PCSK5: variants seen among roughly 807,000 people sequenced by gnomAD.
PCSK5 encodes the protein proprotein convertase subtilisin/kexin type 5, also known as prohormone convertase 5.
In PCSK5, 129 loss-of-function variants were observed where a neutral mutation model predicts 233.2. That is an observed-to-expected ratio of 0.55 (90% CI 0.48 to 0.64). The LOEUF (loss-of-function observed/expected upper bound fraction) is 0.64, where lower values mean the gene tolerates loss of function less well. Among genes scored for constraint, PCSK5 ranks in the 30% least tolerant of loss-of-function variants. The pLI, the probability that PCSK5 is intolerant of heterozygous loss-of-function variation, is 0.00. For missense variants in PCSK5, 2,076 were observed against 2,430.1 expected (o/e 0.85, Z 3.06); for synonymous variants, 825 against 879.2 (o/e 0.94, Z 1.09).
At chr9:76,187,960 G>A (rs1824185577) in intron 17 of PCSK5, among the ~76,000 whole-genome samples, 1 of 152,158 alleles carries the variant, frequency 6.6e-6, no homozygotes, top group Non-Finnish European at 1.5e-5. Flanking sequence ...TCATTAGAGT[G>A]TTTAAAATGA....
intron 5 of PCSK5, among the ~76,000 whole-genome samples, chr9:76,036,295 TC>T (rs1828857371): frequency 6.6e-6 from 1 of 152,220 alleles, no homozygotes; most frequent in Non-Finnish European, 1.5e-5. Context: ...TTAACTATAA[TC>T]CTTAATAAAA....
intron 9 of PCSK5, among the ~76,000 whole-genome samples, chr9:76,108,912 C>T (rs949062758): frequency 6.6e-6 from 1 of 152,088 alleles, no homozygotes; most frequent in Admixed American, 6.5e-5. Flanking sequence ...GGACTGAAAC[C>T]GGGGGAAGGA....
At chr9:75,930,730 A>G (rs1823751051) in intron 1 of PCSK5, among the ~76,000 whole-genome samples, 1 of 152,168 alleles carries the variant, frequency 6.6e-6, no homozygotes, top group Non-Finnish European at 1.5e-5. Flanking sequence ...TTTCCACGAG[A>G]ACTACTGTAT....
intron 28 of PCSK5, among the ~76,000 whole-genome samples, chr9:76,307,127 T>C (rs889389890): frequency 6.7e-6 from 1 of 148,354 alleles, no homozygotes; most frequent in African/African-American, 2.5e-5. Flanking sequence ...AGGGCAGAAT[T>C]ATTTTCTCTC....
chr9:75,995,061 C>G (rs1384375383), intron 3 of PCSK5, among the ~76,000 whole-genome samples: 2 of 152,188 alleles, frequency 1.3e-5, no homozygotes, highest in Non-Finnish European at 2.9e-5. Flanking sequence ...AACATGTTCT[C>G]TCTCTGCCTG....
chr9:75,916,942 G>A (rs904574689), intron 1 of PCSK5, among the ~76,000 whole-genome samples: 3 of 152,040 alleles, frequency 2.0e-5, no homozygotes, highest in South Asian at 2.1e-4. Context: ...AGGCCAAGGC[G>A]GGTAGATCAC....
chr9:76,243,569 C>A (rs1256770738), intron 24 of PCSK5, among the ~76,000 whole-genome samples: 4 of 151,984 alleles, frequency 2.6e-5, no homozygotes, highest in South Asian at 2.1e-4. Context: ...ATTTCTGAAC[C>A]CTTTGTTGAT....
At chr9:76,064,832 T>C (rs1048105811) in intron 5 of PCSK5, among the ~76,000 whole-genome samples, 1 of 152,232 alleles carries the variant, frequency 6.6e-6, no homozygotes, top group South Asian at 2.1e-4. Context: ...GCAGAGACGC[T>C]CCTCACTTCC....
At chr9:75,938,748 A>G (rs1009801933) in intron 2 of PCSK5, among the ~76,000 whole-genome samples, 3 of 152,178 alleles carry the variant, frequency 2.0e-5, no homozygotes, top group Non-Finnish European at 2.9e-5. Context: ...TTTTACTCCC[A>G]GCTGACTTCA....
chr9:76,068,690 A>G (rs934354797), intron 6 of PCSK5, among the ~76,000 whole-genome samples: 2 of 152,010 alleles, frequency 1.3e-5, no homozygotes, highest in African/African-American at 4.8e-5. Context: ...CAAACTCTTA[A>G]CTTTCCCATT....
rs139137159 is a variant in PCSK5, at chr9:76,126,488, C to T, written c.1209-7621C>T. Among the ~76,000 whole-genome samples, 303 of 152,224 alleles carry T rather than the reference C, an allele frequency of 2.0e-3. 3 individuals carry two copies. The highest frequency in any genetic ancestry group is 7.0e-3 in the African/African-American group (290 of 41,526). ...ATTAGCTAGGCGTGATGGCACATGC[C>T]TATAATCCCAGCCACTCAGGAGGCT... On this transcript the variant is annotated intron_variant, in intron 9 of 37. Coordinates refer to ENST00000674117, the MANE Select transcript of PCSK5 (RefSeq NM_001372043.1).
At chr9:76,227,642 T>G in intron 21 of PCSK5, 37 bp downstream of exon 21, 2 of 1,347,394 alleles carry the variant, frequency 1.5e-6, no homozygotes, top group Non-Finnish European at 2.1e-6. Flanking sequence ...TGGTGTGAGC[T>G]CATGGATTGC....
chr9:76,348,305 G>A (rs1218962635), intron 35 of PCSK5, among the ~76,000 whole-genome samples: 1 of 152,198 alleles, frequency 6.6e-6, no homozygotes, highest in African/African-American at 2.4e-5. Flanking sequence ...CAGCTACTCA[G>A]GAGGCTGAGG....
intron 2 of PCSK5, among the ~76,000 whole-genome samples, chr9:75,963,488 G>A (rs1825443792): frequency 6.6e-6 from 1 of 152,204 alleles, no homozygotes; most frequent in Non-Finnish European, 1.5e-5. Context: ...TTTTCCTGTG[G>A]TTTTTAGCCA....
At position 76,184,606 on chromosome 9, in the gene PCSK5, A is replaced by C. The variant is rs1446974306; in HGVS notation, c.2198-67A>C. ...GTAGCATACATTAGCAAGCATTAGAACATCTCTGATGCTTTTATGGAATCC... is the reference window on the plus strand; with the variant it reads ...GTAGCATACATTAGCAAGCATTAGACCATCTCTGATGCTTTTATGGAATCC... On this transcript the variant is annotated intron_variant, in intron 16 of 37. Transcript: ENST00000674117. 4 of 1,003,834 alleles carry C rather than the reference A, an allele frequency of 4.0e-6. No homozygotes were observed. The African/African-American group carries it at 6.3e-5, about 16-fold the overall frequency. 62.2% of individuals were successfully genotyped at this position (1,003,834 alleles called of 1,614,324 possible).
At chr9:75,968,188 T>G (rs1204588422) in intron 2 of PCSK5, among the ~76,000 whole-genome samples, 1 of 151,356 alleles carries the variant, frequency 6.6e-6, no homozygotes, top group African/African-American at 2.4e-5. Context: ...TGGCACCTGA[T>G]TGTGCTGAGT....
chr9:76,031,949 C>T (rs957328195), intron 5 of PCSK5, among the ~76,000 whole-genome samples: 6 of 152,022 alleles, frequency 3.9e-5, no homozygotes, highest in African/African-American at 1.4e-4. Context: ...TGTCTGCGTC[C>T]TTGGGGGACT....
intron 18 of PCSK5, 64 bp downstream of exon 18, chr9:76,188,739 G>C (rs1417885271): frequency 2.2e-5 from 27 of 1,216,132 alleles, no homozygotes; most frequent in Non-Finnish European, 3.1e-5. Flanking sequence ...TCTGGTTTGG[G>C]CCATCACTCA....
At chr9:76,212,245 T>C (rs556549207) in intron 20 of PCSK5, among the ~76,000 whole-genome samples, 76 of 152,272 alleles carry the variant, frequency 5.0e-4, no homozygotes, top group Non-Finnish European at 9.4e-4. Flanking sequence ...TGACACTCTA[T>C]CTGGCAACAA....
Sources: allele counts gnomAD v4.1 joint callset (sites outside exome capture counted in the v4.1 genomes callset), GRCh38; gene constraint gnomAD v4.1.1; transcripts MANE v1.5; gene names NCBI Gene and HGNC (gene_info 2026-07-23, HGNC 2026-07-21).